Variants in CALCOCO1 observed in about 807,000 individuals in gnomAD.
CALCOCO1 encodes calcium-binding and coiled-coil domain-containing protein 1.
CALCOCO1 carries 44 observed loss-of-function variants against 86.3 expected under a neutral mutation model. The observed-to-expected ratio is 0.51, with a 90% CI of 0.40 to 0.66. The LOEUF is 0.66. Among genes scored for constraint, CALCOCO1 ranks in the 30% least tolerant of loss-of-function variants. CALCOCO1 has a pLI of 0.00. For missense variants in CALCOCO1, 708 were observed against 851.1 expected (o/e 0.83, Z 2.09); for synonymous variants, 297 against 327.6 (o/e 0.91, Z 1.01).
Position 53,716,013 on chromosome 12 carries a change from C to T in CALCOCO1, c.1040G>A (p.Gly347Glu), listed in dbSNP as rs762657297. ...GCTTGAGGCTGCAAGCTCCTGGGCC[C>T]CTCGAAGCTGCTCCTTCAAGGGCTC... ...ELEPLKEQLR[G>E]AQELAASSQQ... Residue 347 changes from glycine (G) to glutamate (E), a missense_variant, in exon 9 of 15, where the codon GGG becomes GAG. Transcript: ENST00000550804. 9 of 1,613,412 alleles carry T rather than the reference C, an allele frequency of 5.6e-6. No homozygotes were observed. The African/African-American group carries it at 1.1e-4, about 19-fold the overall frequency.
intron 5 of CALCOCO1, 21 bp downstream of exon 5, chr12:53,722,004 C>G: frequency 6.2e-7 from 1 of 1,611,524 alleles, no homozygotes; most frequent in Non-Finnish European, 8.5e-7. Flanking sequence ...GGCCCTGTCC[C>G]CTACCTGGCC....
At position 53,722,058 on chromosome 12, in the gene CALCOCO1, C is replaced by T; in HGVS notation, c.576G>A (p.Arg192=). The change falls in exon 5 of 15, where the codon AGG becomes AGA. Residue 192 remains arginine (R), a synonymous_variant. Transcript: ENST00000550804. ...QELERALATA[R]QEHTELMEQY... is the part of the protein sequence containing the mutation. Reference sequence around the variant, plus strand: ...GTTCCATCAGCTCCGTGTGCTCCTGCCTGGCAGTTGCCAGAGCCCTCTCGA... The same window carrying T: ...GTTCCATCAGCTCCGTGTGCTCCTGTCTGGCAGTTGCCAGAGCCCTCTCGA... 1.2e-6 allele frequency: 2 copies of T among 1,613,756 alleles called. No individual in the cohort carries two copies. The highest frequency in any genetic ancestry group is 8.5e-7 in the Non-Finnish European group (1 of 1,180,038).
rs926530153 is a variant in CALCOCO1 at position 53,711,507 on chromosome 12, C to T, written c.*437G>A. ...CTCTGTGCAGACCCCAGAGAAAACT[C>T]AGGTAAACCAACGGAAACTCCAAAT... On this transcript the variant is annotated 3_prime_UTR_variant, in exon 15 of 15. Coordinates refer to ENST00000550804, the MANE Select transcript of CALCOCO1 (RefSeq NM_020898.3). The T allele has an allele frequency of 1.2e-4, 42 of 337,852 alleles. No homozygotes were observed. The highest frequency in any genetic ancestry group is 8.7e-4 in the African/African-American group (41 of 47,046). The allele number at this position is 337,852 out of a possible 1,614,324, so 20.9% of individuals were successfully genotyped here.
rs904512763 is a variant in CALCOCO1, at chr12:53,709,848, G to A, written c.*2096C>T. On this transcript the variant is annotated 3_prime_UTR_variant, in exon 15 of 15. Transcript: ENST00000550804. ...GGCAGCCACTCACTGGAAGCCAGGA[G>A]GTGTGGGTCCCAGATTCTTCTCGCC... The A allele has an allele frequency of 2.0e-5, 3 of 152,140 alleles. No individual in the cohort carries two copies. Among genetic ancestry groups the A allele is most frequent in the African/African-American group, 7.2e-5 (3 of 41,402 alleles). 9.4% of individuals were successfully genotyped at this position (152,140 alleles called of 1,614,324 possible).
intron 7 of CALCOCO1, 36 bp from the exon 8 acceptor site, chr12:53,716,451 T>A: frequency 6.2e-7 from 1 of 1,613,562 alleles, no homozygotes; most frequent in East Asian, 2.2e-5. Flanking sequence ...GAAAGGGGTA[T>A]GTGTGTTGGG....
At chr12:53,718,639 C>A (rs976963210) in intron 7 of CALCOCO1, among the ~76,000 whole-genome samples, 13 of 152,138 alleles carry the variant, frequency 8.5e-5, no homozygotes, top group African/African-American at 3.1e-4. Flanking sequence ...AGCAATCCTT[C>A]CACCTCAGCT....
In CALCOCO1 at chr12:53,721,579, T is replaced by A; in HGVS notation, c.646A>T (p.Arg216Trp). 1 of 1,613,640 alleles carries A rather than the reference T, an allele frequency of 6.2e-7. No homozygotes were observed. Among genetic ancestry groups the A allele is most frequent in the Non-Finnish European group, 8.5e-7 (1 of 1,179,892 alleles). Residue 216 changes from arginine to tryptophan, a missense_variant, in exon 6 of 15, where the codon AGG (arginine) becomes TGG (tryptophan). Arg to Trp is a moderately radical substitution (Grantham distance 101). Coordinates refer to ENST00000550804, the MANE Select transcript of CALCOCO1 (RefSeq NM_020898.3). ...CCCTGTTGCCGGCTCAGGATGTCCC[T>A]CTCTTCTGTGATCTCCCCATGGGAC... ...SRSHGEITEERDILSRQQGDH... is the reference protein window; with the variant it reads ...SRSHGEITEEWDILSRQQGDH...
chr12:53,721,400 A>G (rs1334673272), intron 6 of CALCOCO1, 67 bp downstream of exon 6: 1 of 1,423,314 alleles, frequency 7.0e-7, no homozygotes, highest in Non-Finnish European at 9.5e-7. Context: ...CTTGCCTGAG[A>G]GAGGGGGCTG....
chr12:53,711,087 A>G lies in CALCOCO1; in HGVS notation c.*857T>C. On this transcript the variant is annotated 3_prime_UTR_variant, in exon 15 of 15. Coordinates refer to ENST00000550804, the MANE Select transcript of CALCOCO1 (RefSeq NM_020898.3). ...GGGCCCTGTGTTCCAGTCACACCTC[A>G]TGATAAGAACACATTTTGTGACAAC... 1 of 386,964 alleles carries G rather than the reference A, an allele frequency of 2.6e-6. No homozygotes were observed. Among genetic ancestry groups the G allele is most frequent in the Non-Finnish European group, 4.6e-6 (1 of 218,568 alleles). The allele number at this position is 386,964 out of a possible 1,614,324, so 24.0% of individuals were successfully genotyped here. A position where few individuals can be genotyped will look rare whatever the true frequency, so the allele number is the denominator to read the frequency against.
At chr12:53,712,843 G>C (rs974984847) in intron 14 of CALCOCO1, 4 of 1,453,092 alleles carry the variant, frequency 2.8e-6, no homozygotes, top group Admixed American at 1.9e-5. Flanking sequence ...TGCAGAAGAT[G>C]GTGCTAGAAC....
At chr12:53,726,350 G>A (rs886843994) in intron 1 of CALCOCO1, 1 of 152,208 alleles carries the variant, frequency 6.6e-6, no homozygotes, top group African/African-American at 2.4e-5. Flanking sequence ...GGATGGGGTT[G>A]AGAGGAAGGG....
chr12:53,715,851 A>C lies in CALCOCO1; in HGVS notation c.1202T>G (p.Leu401Trp). The change falls in exon 9 of 15, where the codon TTG (leucine) becomes TGG (tryptophan). Residue 401 changes from leucine to tryptophan, a missense_variant. Transcript: ENST00000550804. The stretch of plus-strand genomic sequence containing the variant: ...GCTCCATTGGCATTTTTCTTCCTTC[A>C]AGTGCAAACCGAGCTCAGCCAGCCT... ...NGRLAELGLHLKEEKCQWSKE... is the reference protein window; with the variant it reads ...NGRLAELGLHWKEEKCQWSKE... The C allele has an allele frequency of 1.2e-6, 2 of 1,614,046 alleles. No individual in the cohort carries two copies. Among genetic ancestry groups the C allele is most frequent in the Non-Finnish European group, 1.7e-6 (2 of 1,180,016 alleles).
At chr12:53,716,230 C>T (rs890931614) in intron 8 of CALCOCO1, 30 bp downstream of exon 8, 33 of 1,611,004 alleles carry the variant, frequency 2.0e-5, no homozygotes, top group Middle Eastern at 3.5e-4. Context: ...TGGAATTTCC[C>T]GTTTCCTGTT....
In CALCOCO1 at chr12:53,710,775, T is replaced by C. The variant is rs1322353884; in HGVS notation, c.*1169A>G. 1 of 154,190 alleles carries C rather than the reference T, an allele frequency of 6.5e-6. No individual in the cohort carries two copies. The highest frequency in any genetic ancestry group is 2.4e-5 in the African/African-American group (1 of 41,498). The allele number at this position is 154,190 out of a possible 1,614,324, so 9.6% of individuals were successfully genotyped here. A position where few individuals can be genotyped will look rare whatever the true frequency, so the allele number is the denominator to read the frequency against. ...CTTTGGCATAAGGTACAGTGATGGC[T>C]GCTATGAAGGGTGAAGTTCTCGGCA... On this transcript the variant is annotated 3_prime_UTR_variant, in exon 15 of 15. Coordinates refer to ENST00000550804, the MANE Select transcript of CALCOCO1 (RefSeq NM_020898.3).
rs1945715445 is a variant in CALCOCO1 at position 53,715,986 on chromosome 12, T to A, written c.1067A>T (p.Gln356Leu). The A allele has an allele frequency of 6.2e-7, 1 of 1,613,986 alleles. No individual in the cohort carries two copies. Among genetic ancestry groups the A allele is most frequent in the Non-Finnish European group, 8.5e-7 (1 of 1,180,040 alleles). Reference protein sequence around the residue: ...RGAQELAASSQQKATLLGEEL... With the variant: ...RGAQELAASSLQKATLLGEEL... ...CTCCCCAAGAAGGGTGGCTTTCTGCTGGCTTGAGGCTGCAAGCTCCTGGGC... is the reference window on the plus strand; with the variant it reads ...CTCCCCAAGAAGGGTGGCTTTCTGCAGGCTTGAGGCTGCAAGCTCCTGGGC... The change falls in exon 9 of 15, where the codon CAG becomes CTG. Residue 356 changes from glutamine to leucine, a missense_variant. Physicochemically the swap from Gln to Leu is moderately radical, Grantham distance 113. Coordinates refer to ENST00000550804, the MANE Select transcript of CALCOCO1 (RefSeq NM_020898.3).
In CALCOCO1 at chr12:53,712,466, C is replaced by A. The variant is rs3741660; in HGVS notation, c.1899-345G>T. 2.5e-3 allele frequency: 661 copies of A among 260,734 alleles called. 9 individuals carry two copies. In the East Asian group the frequency reaches 0.033, roughly 13 times the overall value. The allele number at this position is 260,734 out of a possible 1,614,324, so 16.2% of individuals were successfully genotyped here. Reference sequence around the variant, plus strand: ...CTGCTCCAGCCGAGAAGGATGACAGCATCACCCCCTCCCTGCCCTGAGCCC... The same window carrying A: ...CTGCTCCAGCCGAGAAGGATGACAGAATCACCCCCTCCCTGCCCTGAGCCC... On this transcript the variant is annotated intron_variant, in intron 14 of 14. Transcript: ENST00000550804.
intron 1 of CALCOCO1, among the ~76,000 whole-genome samples, chr12:53,726,603 C>T (rs1264710012): frequency 1.3e-5 from 2 of 152,214 alleles, no homozygotes; most frequent in South Asian, 2.1e-4. Flanking sequence ...AGGCTGAAGT[C>T]CAGGGGACAG....
intron 7 of CALCOCO1, among the ~76,000 whole-genome samples, chr12:53,719,462 G>A (rs768124170): frequency 1.3e-5 from 2 of 152,056 alleles, no homozygotes; most frequent in Admixed American, 6.5e-5. Flanking sequence ...GGAGGCAGAG[G>A]TTGCACTGAG....
intron 1 of CALCOCO1, among the ~76,000 whole-genome samples, chr12:53,725,926 A>G (rs1946016633): frequency 6.6e-6 from 1 of 152,154 alleles, no homozygotes; most frequent in African/African-American, 2.4e-5. Flanking sequence ...CCAAGAGACA[A>G]AGGGAAGGGG....
Sources: gnomAD v4.1 joint callset for allele counts (sites outside exome capture counted in the v4.1 genomes callset) on GRCh38, gnomAD v4.1.1 for gene constraint, MANE v1.5 for transcripts, NCBI Gene and HGNC (gene_info 2026-07-23, HGNC 2026-07-21) for gene names.